Variants in VTA1 observed in about 807,000 individuals in gnomAD.
The protein encoded by VTA1 is vesicle trafficking 1.
In VTA1, 24 loss-of-function variants were observed where a neutral mutation model predicts 36.9. That is an observed-to-expected ratio of 0.65 (90% CI 0.47 to 0.91). The LOEUF is 0.91. Ranked by LOEUF, VTA1 falls within the 40% of genes least tolerant of loss-of-function variation. The probability of loss-of-function intolerance (pLI) is 0.00; values close to 1 mark genes in which losing one functional copy is unlikely to be tolerated. For synonymous variants in VTA1, 142 were observed against 130.2 expected (o/e 1.09, Z -0.62); for missense variants, 393 against 377.2 (o/e 1.04, Z -0.35).
At chr6:142,186,959 AGAAT>A (rs1365201502) in intron 4 of VTA1, among the ~76,000 whole-genome samples, 1 of 152,120 alleles carries the variant, frequency 6.6e-6, no homozygotes, top group African/African-American at 2.4e-5. Context: ...GAGGAGAGGG[AGAAT>A]GAATGAACAT....
chr6:142,203,242 A>G lies in VTA1; in HGVS notation c.698-743A>G, dbSNP rs3827795. Among the ~76,000 whole-genome samples the G allele has an allele frequency of 2.3e-3, 356 of 151,982 alleles. 10 individuals carry two copies. The East Asian group carries it at 0.061, about 26-fold the overall frequency. On this transcript the variant is annotated intron_variant, in intron 6 of 7. Transcript: ENST00000367630. The stretch of plus-strand genomic sequence containing the variant: ...TTTTCCCACTTTACCCTTTCTACAA[A>G]TTGCCTATTCGAATTCAGTGTATTA...
At chr6:142,211,568 G>A (rs535933211) in intron 7 of VTA1, among the ~76,000 whole-genome samples, 19 of 152,070 alleles carry the variant, frequency 1.2e-4, no homozygotes, top group African/African-American at 3.6e-4. Context: ...AAAATTAGCC[G>A]GGCGCGGTGG....
chr6:142,167,750 C>G (rs1288862993), intron 2 of VTA1, among the ~76,000 whole-genome samples: 1 of 152,174 alleles, frequency 6.6e-6, no homozygotes, highest in Non-Finnish European at 1.5e-5. Context: ...TTCAGCTGTT[C>G]TGGAGCCTAT....
chr6:142,169,769 CTGAT>C (rs932508411), intron 3 of VTA1, 92 bp downstream of exon 3: 4 of 1,184,074 alleles, frequency 3.4e-6, no homozygotes, highest in Non-Finnish European at 4.4e-6. Context: ...TTCTAACCTG[CTGAT>C]TGATTTAGGT....
At chr6:142,181,094 AATATAT>A (rs1169535055) in intron 4 of VTA1, among the ~76,000 whole-genome samples, 7 of 36,446 alleles carry the variant, frequency 1.9e-4, no homozygotes, top group Middle Eastern at 0.045. Context: ...AAAAAAAAAA[AATATAT>A]ATATATATAT....
intron 1 of VTA1, among the ~76,000 whole-genome samples, chr6:142,161,592 TTA>T (rs776426504): frequency 2.8e-4 from 42 of 152,180 alleles, no homozygotes; most frequent in Non-Finnish European, 5.3e-4. Flanking sequence ...CAAATAATAT[TTA>T]TTCATAAAGA....
At chr6:142,173,556 A>G (rs991865116) in intron 4 of VTA1, among the ~76,000 whole-genome samples, 1 of 152,146 alleles carries the variant, frequency 6.6e-6, no homozygotes, top group Middle Eastern at 3.2e-3. Context: ...TCCCCTATGT[A>G]TTTTAGAAGC....
chr6:142,147,653 A>C (rs2114622469), intron 1 of VTA1, among the ~76,000 whole-genome samples: 1 of 152,352 alleles, frequency 6.6e-6, no homozygotes, highest in South Asian at 2.1e-4. Flanking sequence ...GAACTGTGGA[A>C]TATAATCTTC....
chr6:142,202,679 G>A lies in VTA1; in HGVS notation c.698-1306G>A, dbSNP rs114091814. Among the ~76,000 whole-genome samples, 1,187 of 152,072 alleles carry A rather than the reference G, an allele frequency of 7.8e-3. 24 individuals are homozygous for A. Among genetic ancestry groups the A allele is most frequent in the African/African-American group, 0.028 (1,145 of 41,546 alleles). ...TACACAAATTTCTTAGCAGAGAACA[G>A]CATTGACATATATATAGATTGGATT... On this transcript the variant is annotated intron_variant, in intron 6 of 7. Coordinates refer to ENST00000367630, the MANE Select transcript of VTA1 (RefSeq NM_016485.5).
At chr6:142,198,715 A>C (rs1349968216) in intron 6 of VTA1, 100 bp downstream of exon 6, 5 of 1,166,874 alleles carry the variant, frequency 4.3e-6, no homozygotes, top group South Asian at 4.3e-5. Context: ...TCATGAAAAC[A>C]TGACAAGTTC....
chr6:142,221,970 C>CA lies in VTA1; in HGVS notation c.*3340dup, dbSNP rs1181395480. The CA allele has an allele frequency of 0.014, 1,799 of 129,716 alleles. 31 individuals are homozygous for CA. The highest frequency in any genetic ancestry group is 0.043 in the African/African-American group (1,519 of 35,454). 8.0% of individuals were successfully genotyped at this position (129,716 alleles called of 1,614,324 possible). A position where few individuals can be genotyped will look rare whatever the true frequency, so the allele number is the denominator to read the frequency against. On this transcript the variant is annotated 3_prime_UTR_variant, in exon 8 of 8. Transcript: ENST00000367630. The stretch of plus-strand genomic sequence containing the variant: ...TGGGCGACAGAGCGAGACTCCTTCT[C>CA]AAAAAAAAAAAAAGTATTACAATAA...
intron 6 of VTA1, among the ~76,000 whole-genome samples, 191 bp from the exon 7 acceptor site, chr6:142,203,794 G>GCATA (rs1775734847): frequency 6.6e-6 from 1 of 152,154 alleles, no homozygotes; most frequent in African/African-American, 2.4e-5. Flanking sequence ...GTTAGGAAAT[G>GCATA]CATAGCCCAT....
At chr6:142,211,123 C>G (rs978110781) in intron 7 of VTA1, among the ~76,000 whole-genome samples, 7 of 151,456 alleles carry the variant, frequency 4.6e-5, no homozygotes. Flanking sequence ...AAAGGTGGAT[C>G]TCGTGAAAAT....
chr6:142,208,501 A>G (rs979269646), intron 7 of VTA1, among the ~76,000 whole-genome samples: 2 of 152,192 alleles, frequency 1.3e-5, no homozygotes, highest in African/African-American at 2.4e-5. Flanking sequence ...AGCGAGAGGT[A>G]GAAAGCTTAT....
At chr6:142,168,755 T>TATC (rs1025979581) in intron 2 of VTA1, among the ~76,000 whole-genome samples, 1 of 146,160 alleles carries the variant, frequency 6.8e-6, no homozygotes, top group Non-Finnish European at 1.5e-5. Context: ...TTATTATTAT[T>TATC]ATTATTATTA....
intron 6 of VTA1, among the ~76,000 whole-genome samples, chr6:142,202,567 A>G (rs1009311716): frequency 6.6e-6 from 1 of 152,070 alleles, no homozygotes; most frequent in Non-Finnish European, 1.5e-5. Flanking sequence ...AAAAATGCAT[A>G]AAACTAAAGT....
intron 4 of VTA1, among the ~76,000 whole-genome samples, chr6:142,174,110 G>A (rs1775074198): frequency 1.3e-5 from 2 of 152,162 alleles, no homozygotes; most frequent in African/African-American, 2.4e-5. Context: ...CTGTAGGAGC[G>A]GGACTGCCAC....
rs1776153901 is a variant in VTA1, at chr6:142,223,743, A to G, written c.*5100A>G. ...ATCAAATATTTAATATGATAATGCC[A>G]TACTGGATATTATATACGAGTTACA... On this transcript the variant is annotated 3_prime_UTR_variant, in exon 8 of 8. Transcript: ENST00000367630. 6.6e-6 allele frequency: 1 copy of G among 152,134 alleles called. No individual in the cohort carries two copies. Among genetic ancestry groups the G allele is most frequent in the Admixed American group, 6.6e-5 (1 of 15,260 alleles). The allele number at this position is 152,134 out of a possible 1,614,324, so 9.4% of individuals were successfully genotyped here.
chr6:142,173,768 C>G (rs1775068798), intron 4 of VTA1, among the ~76,000 whole-genome samples: 1 of 152,132 alleles, frequency 6.6e-6, no homozygotes, highest in Non-Finnish European at 1.5e-5. Context: ...TCTAGGTTTA[C>G]TTTTAGCTAC....
Sources: allele counts gnomAD v4.1 joint callset (sites outside exome capture counted in the v4.1 genomes callset), GRCh38; gene constraint gnomAD v4.1.1; transcripts MANE v1.5; gene names NCBI Gene and HGNC (gene_info 2026-07-23, HGNC 2026-07-21).